Variants in PARN observed in about 807,000 individuals in gnomAD.
PARN encodes poly(A)-specific ribonuclease, also known as poly(A)-specific ribonuclease PARN.
Under a neutral mutation model 102.8 loss-of-function variants are expected in PARN, and 71 were observed. The observed-to-expected ratio is 0.69, with a 90% confidence interval of 0.57 to 0.84. The LOEUF is 0.84. Among genes scored for constraint, PARN ranks in the 40% least tolerant of loss-of-function variants. The probability of loss-of-function intolerance (pLI) is 0.00; values close to 1 mark genes in which losing one functional copy is unlikely to be tolerated. For synonymous variants in PARN, 261 were observed against 252.9 expected (o/e 1.03, Z -0.30); for missense variants, 782 against 760.9 (o/e 1.03, Z -0.33).
intron 12 of PARN, among the ~76,000 whole-genome samples, chr16:14,595,188 G>A (rs1205967601): frequency 1.3e-5 from 2 of 152,030 alleles, no homozygotes; most frequent in African/African-American, 4.8e-5. Flanking sequence ...TGTGTATACC[G>A]GGTTTAAACA....
intron 21 of PARN, chr16:14,501,656 G>C (rs1013186418): frequency 2.4e-4 from 36 of 151,966 alleles, no homozygotes; most frequent in African/African-American, 8.0e-4. Context: ...GTGCCACCAT[G>C]TTATTAAAGC....
intron 12 of PARN, among the ~76,000 whole-genome samples, chr16:14,596,526 A>G (rs1970522162): frequency 6.6e-6 from 1 of 151,864 alleles, no homozygotes; most frequent in African/African-American, 2.4e-5. Context: ...GCTTGAGCCT[A>G]AGAGTTCAAG....
intron 18 of PARN, among the ~76,000 whole-genome samples, chr16:14,573,504 A>G (rs1320318565): frequency 6.6e-6 from 1 of 152,196 alleles, no homozygotes; most frequent in African/African-American, 2.4e-5. Flanking sequence ...AAAAGAATAT[A>G]TGCTGGGCAC....
chr16:14,531,543 T>C (rs1336035176), intron 21 of PARN, among the ~76,000 whole-genome samples: 1 of 152,182 alleles, frequency 6.6e-6, no homozygotes, highest in East Asian at 1.9e-4. Context: ...CCCAGATAAA[T>C]TCAATTTGGC....
At chr16:14,580,172 G>A (rs1393342331) in intron 18 of PARN, among the ~76,000 whole-genome samples, 1 of 152,012 alleles carries the variant, frequency 6.6e-6, no homozygotes, top group Non-Finnish European at 1.5e-5. Flanking sequence ...GGGTTTCACC[G>A]TGTTAGCCAG....
At chr16:14,608,034 A>G in intron 9 of PARN, 1 of 505,882 alleles carries the variant, frequency 2.0e-6, no homozygotes, top group Non-Finnish European at 3.5e-6. Context: ...CAAAAACACT[A>G]CCAATCCATA....
intron 21 of PARN, among the ~76,000 whole-genome samples, chr16:14,488,945 T>G (rs1963895763): frequency 6.6e-6 from 1 of 150,648 alleles, no homozygotes; most frequent in Non-Finnish European, 1.5e-5. Context: ...CTTGGGTAAA[T>G]GGACAAATCT....
chr16:14,540,607 G>A (rs566510018), intron 21 of PARN, among the ~76,000 whole-genome samples: 8 of 152,282 alleles, frequency 5.3e-5, no homozygotes, highest in Admixed American at 2.6e-4. Flanking sequence ...AGCATGGTAT[G>A]TGATATGGAA....
rs1970926507 is a variant in PARN, at chr16:14,602,379, G to C, written c.783+1767C>G. Among the ~76,000 whole-genome samples the C allele has an allele frequency of 3.3e-5, 5 of 152,078 alleles. No individual in the cohort carries two copies. The South Asian group carries it at 1.0e-3, about 32-fold the overall frequency. ...CGTACTCTGCAGTTGCTCTGATCCAGTCCCAGTCTCTCTGCCAATGACAAT... is the reference window on the plus strand; with the variant it reads ...CGTACTCTGCAGTTGCTCTGATCCACTCCCAGTCTCTCTGCCAATGACAAT... On this transcript the variant is annotated intron_variant, in intron 11 of 23. Transcript: ENST00000437198.
At chr16:14,577,865 G>A (rs976515445) in intron 18 of PARN, among the ~76,000 whole-genome samples, 6 of 149,830 alleles carry the variant, frequency 4.0e-5, no homozygotes, top group Non-Finnish European at 8.9e-5. Context: ...ACAGGGTTTC[G>A]CCATGTTGGC....
At chr16:14,585,364 GTTT>G (rs36030259) in intron 14 of PARN, among the ~76,000 whole-genome samples, 5,877 of 121,060 alleles carry the variant, frequency 0.049, 136 homozygotes, top group African/African-American at 0.06. Context: ...CTATTTCTCT[GTTT>G]TTTTTTTTTT....
At chr16:14,454,257 G>C (rs1341163276) in intron 22 of PARN, among the ~76,000 whole-genome samples, 1 of 152,172 alleles carries the variant, frequency 6.6e-6, no homozygotes. Context: ...AAGGTGGGCG[G>C]ATCGCTTGAG....
At chr16:14,448,162 T>C (rs994616511) in intron 22 of PARN, among the ~76,000 whole-genome samples, 4 of 151,664 alleles carry the variant, frequency 2.6e-5, no homozygotes, top group Admixed American at 6.6e-5. Flanking sequence ...TTTTTTTTTT[T>C]CCCTGAGACA....
chr16:14,583,127 T>C lies in PARN; in HGVS notation c.1082-836A>G, dbSNP rs1969631785. On this transcript the variant is annotated intron_variant, in intron 16 of 23. Transcript: ENST00000437198. ...ACAGCAAAGACCGCTTTATATACAA[T>C]ATGGTTCTTTTGTGACATTGATAAA... Among the ~76,000 whole-genome samples the C allele has an allele frequency of 4.6e-5, 7 of 152,342 alleles. No individual in the cohort carries two copies. The South Asian group carries it at 1.4e-3, about 32-fold the overall frequency.
chr16:14,540,736 G>A (rs1966808270), intron 21 of PARN, among the ~76,000 whole-genome samples: 1 of 152,080 alleles, frequency 6.6e-6, no homozygotes, highest in African/African-American at 2.4e-5. Context: ...CAGGTGGCTT[G>A]AGCCCAGGAA....
At chr16:14,437,595 AG>A (rs1960758184) in intron 23 of PARN, among the ~76,000 whole-genome samples, 3 of 152,220 alleles carry the variant, frequency 2.0e-5, no homozygotes, top group Admixed American at 2.0e-4. Flanking sequence ...AACGAATGTG[AG>A]GGAAGTCAGG....
chr16:14,503,898 T>A (rs1192450612), intron 21 of PARN, among the ~76,000 whole-genome samples: 1 of 152,228 alleles, frequency 6.6e-6, no homozygotes, highest in South Asian at 2.1e-4. Flanking sequence ...GGAGCTGATG[T>A]CAAGGAAGAT....
intron 21 of PARN, among the ~76,000 whole-genome samples, chr16:14,484,847 A>C (rs1255389567): frequency 6.6e-6 from 1 of 152,218 alleles, no homozygotes; most frequent in East Asian, 1.9e-4. Flanking sequence ...CAGAAAACAC[A>C]AATTTTTACT....
At chr16:14,517,123 C>CA (rs1054548665) in intron 21 of PARN, among the ~76,000 whole-genome samples, 101 of 151,950 alleles carry the variant, frequency 6.6e-4, no homozygotes, top group Middle Eastern at 3.4e-3. Context: ...TGTAAAATGG[C>CA]AAAAAAAATC....
Sources: gnomAD v4.1 joint callset for allele counts (sites outside exome capture counted in the v4.1 genomes callset) on GRCh38, gnomAD v4.1.1 for gene constraint, MANE v1.5 for transcripts, NCBI Gene and HGNC (gene_info 2026-07-23, HGNC 2026-07-21) for gene names.